ZFP92: variants seen among roughly 807,000 people sequenced by gnomAD.
The protein encoded by ZFP92 is zinc finger protein 92 homolog.
In ZFP92, 2 loss-of-function variants were observed where a neutral mutation model predicts 7.6. The ratio of observed to expected loss-of-function variants is 0.26; its 90% CI spans 0.11 to 0.83. The LOEUF (loss-of-function observed/expected upper bound fraction) is 0.83, where lower values mean the gene tolerates loss of function less well. Among genes scored for constraint, ZFP92 ranks in the 40% least tolerant of loss-of-function variants. The pLI is 0.65. For missense variants in ZFP92, 324 were observed against 408.3 expected (o/e 0.79, Z 1.78); for synonymous variants, 226 against 183.6 (o/e 1.23, Z -1.87).
chrX:153,420,947 C>A lies in ZFP92; in HGVS notation c.570C>A (p.Arg190=). 8.4e-7 allele frequency: 1 copy of A among 1,193,044 alleles called. No individual in the cohort carries two copies. The highest frequency in any genetic ancestry group is 1.1e-6 in the Non-Finnish European group (1 of 886,254). ...YACPECGKLF[R]RSFALLEHQR... Reference sequence around the variant, plus strand: ...GCCCCGAGTGCGGCAAGCTGTTTCGCCGCAGCTTCGCGCTCCTGGAGCACC... The same window carrying A: ...GCCCCGAGTGCGGCAAGCTGTTTCGACGCAGCTTCGCGCTCCTGGAGCACC... The change falls in exon 6 of 6, where the codon CGC becomes CGA. Residue 190 remains arginine (R), a synonymous_variant. Coordinates refer to ENST00000338647, the MANE Select transcript of ZFP92 (RefSeq NM_001136273.2).
rs2088991448 is a variant in ZFP92 at position 153,420,703 on chromosome X, C to A, written c.326C>A (p.Pro109His). The A allele has an allele frequency of 8.7e-7, 1 of 1,143,592 alleles. No homozygotes were observed. The highest frequency in any genetic ancestry group is 1.2e-6 in the Non-Finnish European group (1 of 860,022). The allele number at this position is 1,143,592 out of a possible 1,213,427, so 94.2% of individuals were successfully genotyped here. A position where few individuals can be genotyped will look rare whatever the true frequency, so the allele number is the denominator to read the frequency against. Residue 109 changes from proline to histidine, a missense_variant, in exon 6 of 6, where the codon CCC becomes CAC. Pro to His is a moderately conservative substitution (Grantham distance 77, BLOSUM62 -2). Coordinates refer to ENST00000338647, the MANE Select transcript of ZFP92 (RefSeq NM_001136273.2). ...STQKHSGRQL[P>H]GADPQGGKEG... ...CAGAAGCATTCTGGACGACAACTCCCCGGGGCCGATCCACAAGGTGGCAAG... is the reference window on the plus strand; with the variant it reads ...CAGAAGCATTCTGGACGACAACTCCACGGGGCCGATCCACAAGGTGGCAAG...
rs1404014450 is a variant in ZFP92 at position 153,422,489 on chromosome X, C to G, written c.*861C>G. Reference sequence around the variant, plus strand: ...CCACCCTCCAGGCTTTGCTTTCCCCCCTGCCCGCCCACTGCCTTCTGCTCC... The same window carrying G: ...CCACCCTCCAGGCTTTGCTTTCCCCGCTGCCCGCCCACTGCCTTCTGCTCC... On this transcript the variant is annotated 3_prime_UTR_variant, in exon 6 of 6. Transcript: ENST00000338647. 2.7e-5 allele frequency: 3 copies of G among 111,334 alleles called. No individual in the cohort carries two copies. Among genetic ancestry groups the G allele is most frequent in the Non-Finnish European group, 5.7e-5 (3 of 53,034 alleles). 9.2% of individuals were successfully genotyped at this position (111,334 alleles called of 1,213,427 possible). A position where few individuals can be genotyped will look rare whatever the true frequency, so the allele number is the denominator to read the frequency against.
Position 153,412,448 on chromosome X carries a change from C to T in ZFP92, c.-19+435C>T, listed in dbSNP as rs140002337. Among the ~76,000 whole-genome samples, 52 of 112,420 alleles carry T rather than the reference C, an allele frequency of 4.6e-4. No homozygotes were observed. The East Asian group carries it at 0.014, about 31-fold the overall frequency. On this transcript the variant is annotated intron_variant, in intron 2 of 5. Coordinates refer to ENST00000338647, the MANE Select transcript of ZFP92 (RefSeq NM_001136273.2). ...TGTTGTTCTCGTTCTAGTGGCTGAG[C>T]GCAGACAATAAGCAGAAAATGTTTT...
intron 3 of ZFP92, 27 bp downstream of exon 3, chrX:153,418,382 T>C (rs1362605795): frequency 8.6e-7 from 1 of 1,164,340 alleles, no homozygotes; most frequent in East Asian, 3.3e-5. Flanking sequence ...CTCCCTGGCC[T>C]CTCCCCCTGG....
At position 153,421,619 on chromosome X, in the gene ZFP92, C is replaced by A; in HGVS notation, c.1242C>A (p.Ser414Arg). The A allele has an allele frequency of 3.0e-6, 3 of 987,170 alleles. No homozygotes were observed. Among genetic ancestry groups the A allele is most frequent in the Non-Finnish European group, 3.8e-6 (3 of 787,506 alleles). 81.4% of individuals were successfully genotyped at this position (987,170 alleles called of 1,213,427 possible). A position where few individuals can be genotyped will look rare whatever the true frequency, so the allele number is the denominator to read the frequency against. The change falls in exon 6 of 6, where the codon AGC (serine) becomes AGA (arginine). Residue 414 changes from serine to arginine, a missense_variant. Coordinates refer to ENST00000338647, the MANE Select transcript of ZFP92 (RefSeq NM_001136273.2). Reference sequence around the variant, plus strand: ...CAGCCGCCAGGCCTTCCAGGCCCAGCCGCCGCTGACTCCCCGCCAGCGCAC... The same window carrying A: ...CAGCCGCCAGGCCTTCCAGGCCCAGACGCCGCTGACTCCCCGCCAGCGCAC... ...PSTAARPSRP[S>R]RR
Sources: gnomAD v4.1 joint callset for allele counts (sites outside exome capture counted in the v4.1 genomes callset) on GRCh38, gnomAD v4.1.1 for gene constraint, MANE v1.5 for transcripts, NCBI Gene and HGNC (gene_info 2026-07-23, HGNC 2026-07-21) for gene names.